AGO2: variants seen among roughly 807,000 people sequenced by gnomAD.
AGO2 encodes the protein protein argonaute-2.
In AGO2, 5 loss-of-function variants were observed where a neutral mutation model predicts 102.3. The ratio of observed to expected loss-of-function variants is 0.05; its 90% confidence interval spans 0.03 to 0.10. The LOEUF is 0.10. Ranked by LOEUF, AGO2 falls within the 10% of genes least tolerant of loss-of-function variation. The pLI is 1.00. For synonymous variants in AGO2, 449 were observed against 473.1 expected (o/e 0.95, Z 0.66); for missense variants, 541 against 1,183.7 (o/e 0.46, Z 7.97).
intron 3 of AGO2, 46 bp from the exon 4 acceptor site, chr8:140,562,680 C>T (rs767972558): frequency 1.3e-6 from 2 of 1,581,500 alleles, no homozygotes; most frequent in South Asian, 1.1e-5. Context: ...CTGCGAAGCC[C>T]CAGGGAGGAC....
At chr8:140,562,828 T>C (rs1341426077) in intron 3 of AGO2, among the ~76,000 whole-genome samples, 194 bp from the exon 4 acceptor site, 1 of 152,212 alleles carries the variant, frequency 6.6e-6, no homozygotes, top group African/African-American at 2.4e-5. Context: ...CTTTATTCAC[T>C]TACTTTTGAT....
intron 1 of AGO2, among the ~76,000 whole-genome samples, chr8:140,615,319 AG>A (rs1296101542): frequency 7.9e-5 from 12 of 152,262 alleles, no homozygotes; most frequent in Admixed American, 7.9e-4. Context: ...TAATGGAGAC[AG>A]CCCCCTGGCC....
At chr8:140,541,581 T>A in intron 14 of AGO2, 1 of 487,800 alleles carries the variant, frequency 2.1e-6, no homozygotes, top group South Asian at 3.2e-5. Flanking sequence ...GTTTGCCAAG[T>A]TACATAGTTT....
At chr8:140,596,373 C>T (rs896352234) in intron 1 of AGO2, among the ~76,000 whole-genome samples, 2 of 152,132 alleles carry the variant, frequency 1.3e-5, no homozygotes, top group African/African-American at 4.8e-5. Flanking sequence ...CATCTGAGGT[C>T]GGGAGTTCGA....
At chr8:140,629,450 A>C (rs11786629) in intron 1 of AGO2, among the ~76,000 whole-genome samples, 118,147 of 152,008 alleles carry the variant, frequency 0.78, 46,593 homozygotes, top group Admixed American at 0.84. Context: ...GTCCCCACTT[A>C]ACAGGCGAGA....
rs2072392988 is a variant in AGO2, at chr8:140,520,213, A to G, written c.*11831T>C. ...CTGACATACTATGAGGCAAAACAAA[A>G]TTGACACCATACAAAATAACTTTAT... On this transcript the variant is annotated 3_prime_UTR_variant, in exon 19 of 19. Transcript: ENST00000220592. 6.6e-6 allele frequency: 1 copy of G among 152,234 alleles called. No individual in the cohort carries two copies. The highest frequency in any genetic ancestry group is 2.4e-5 in the African/African-American group (1 of 41,458). The allele number at this position is 152,234 out of a possible 1,614,324, so 9.4% of individuals were successfully genotyped here. A position where few individuals can be genotyped will look rare whatever the true frequency, so the allele number is the denominator to read the frequency against.
intron 8 of AGO2, 51 bp from the exon 9 acceptor site, chr8:140,556,337 G>A: frequency 1.9e-6 from 3 of 1,603,124 alleles, no homozygotes; most frequent in Non-Finnish European, 2.6e-6. Flanking sequence ...GGAGTGACCA[G>A]GGGAGCAGGC....
At position 140,529,582 on chromosome 8, in the gene AGO2, C is replaced by CA. The variant is rs2072555938; in HGVS notation, c.*2461dup. 1 of 152,000 alleles carries CA rather than the reference C, an allele frequency of 6.6e-6. No individual in the cohort carries two copies. The highest frequency in any genetic ancestry group is 6.6e-5 in the Admixed American group (1 of 15,266). 9.4% of individuals were successfully genotyped at this position (152,000 alleles called of 1,614,324 possible). On this transcript the variant is annotated 3_prime_UTR_variant, in exon 19 of 19. Coordinates refer to ENST00000220592, the MANE Select transcript of AGO2 (RefSeq NM_012154.5). Reference sequence around the variant, plus strand: ...CCCACTAAAAATGAAAGTTTTCCTTCAAAATGATTAAAAAAAACAAAAATT... The same window carrying CA: ...CCCACTAAAAATGAAAGTTTTCCTTCAAAAATGATTAAAAAAAACAAAAATT...
chr8:140,555,735 C>T (rs2132926913), intron 10 of AGO2, 161 bp downstream of exon 10: 3 of 1,050,920 alleles, frequency 2.9e-6, no homozygotes, highest in Non-Finnish European at 3.9e-6. Flanking sequence ...AAAGCCATTC[C>T]TTTATGAAAT....
At chr8:140,551,665 G>GGATGGTTGATGGGTGGGTA in intron 10 of AGO2, among the ~76,000 whole-genome samples, 1 of 151,334 alleles carries the variant, frequency 6.6e-6, no homozygotes, top group Non-Finnish European at 1.5e-5. Context: ...ATGGGTGGGT[G>GGATGGTTGATGGGTGGGTA]GATGGTTGAT....
chr8:140,557,379 G>A lies in AGO2; in HGVS notation c.879-143C>T. ...TCCGGGAGTGAAAACCATGTCATGT[G>A]CTTTGGGTTATCTGGAATGTTTCTG... On this transcript the variant is annotated intron_variant, in intron 7 of 18. Transcript: ENST00000220592. The surrounding 1 kb of genome is among the most constrained non-coding windows in gnomAD (Gnocchi z 5.9). 1.9e-6 allele frequency: 2 copies of A among 1,073,552 alleles called. No homozygotes were observed. Among genetic ancestry groups the A allele is most frequent in the East Asian group, 2.7e-5 (1 of 37,362 alleles). 66.5% of individuals were successfully genotyped at this position (1,073,552 alleles called of 1,614,324 possible).
intron 1 of AGO2, among the ~76,000 whole-genome samples, chr8:140,611,190 G>T (rs952993557): frequency 6.6e-6 from 1 of 152,226 alleles, no homozygotes; most frequent in South Asian, 2.1e-4. Context: ...GCAAGGCGGC[G>T]ATGGCAGGCA....
intron 1 of AGO2, among the ~76,000 whole-genome samples, chr8:140,631,471 A>C (rs1437845317): frequency 6.6e-6 from 1 of 150,564 alleles, no homozygotes; most frequent in Admixed American, 6.7e-5. Context: ...GAGGAGGAGG[A>C]GGTTGCAGTG....
intron 6 of AGO2, among the ~76,000 whole-genome samples, chr8:140,558,925 AG>A (rs1354522372): frequency 6.6e-6 from 1 of 152,178 alleles, no homozygotes; most frequent in Non-Finnish European, 1.5e-5. Flanking sequence ...TTGTGGAGCC[AG>A]GGGTGGGCCC....
chr8:140,572,678 A>T lies in AGO2; in HGVS notation c.336+134T>A, dbSNP rs925052039. 1.7e-5 allele frequency: 22 copies of T among 1,271,422 alleles called. No individual in the cohort carries two copies. In the African/African-American group the frequency reaches 3.3e-4, roughly 19 times the overall value. 78.8% of individuals were successfully genotyped at this position (1,271,422 alleles called of 1,614,324 possible). ...GTTTTTATGGATCTCAGGACGAAGC[A>T]TGTGGCAGTGAACTGCTCTCTCCTC... On this transcript the variant is annotated intron_variant, in intron 3 of 18. Coordinates refer to ENST00000220592, the MANE Select transcript of AGO2 (RefSeq NM_012154.5).
At chr8:140,641,295 AACACACACACACACACAC>A in the AGO2 span, among the ~76,000 whole-genome samples, 13 of 146,870 alleles carry the variant, frequency 8.9e-5, no homozygotes, top group African/African-American at 2.3e-4. Context: ...GCTGTCTCAA[AACACACACACACACACAC>A]ACACACACAC....
At chr8:140,551,176 CCT>C in intron 11 of AGO2, 125 bp downstream of exon 11, 1 of 1,154,258 alleles carries the variant, frequency 8.7e-7, no homozygotes, top group Non-Finnish European at 1.2e-6. Flanking sequence ...GCTGATGAAC[CCT>C]GACATCAAAA....
Position 140,533,345 on chromosome 8 carries a change from T to C in AGO2, c.2272-730A>G, listed in dbSNP as rs1286821540. ...CAGAGCTTGCAGTGAGCCGAGATTG[T>C]GCCACTGCACTCCAGCCTAGGGGAC... On this transcript the variant is annotated intron_variant, in intron 17 of 18. Transcript: ENST00000220592. Among the ~76,000 whole-genome samples the C allele has an allele frequency of 2.9e-5, 4 of 138,024 alleles. No individual in the cohort carries two copies. In the Admixed American group the frequency reaches 3.1e-4, roughly 11 times the overall value. The allele number at this position is 138,024 out of a possible 152,430, so 90.5% of individuals were successfully genotyped here.
At chr8:140,556,607 G>C (rs1050108421) in intron 8 of AGO2, among the ~76,000 whole-genome samples, 1 of 152,174 alleles carries the variant, frequency 6.6e-6, no homozygotes, top group South Asian at 2.1e-4. Context: ...GGCTGCGGGC[G>C]TGAAAGCAGC....
Sources: allele counts gnomAD v4.1 joint callset (sites outside exome capture counted in the v4.1 genomes callset), GRCh38; gene constraint gnomAD v4.1.1; non-coding constraint Gnocchi (gnomAD v3.1); transcripts MANE v1.5; gene names NCBI Gene and HGNC (gene_info 2026-07-23, HGNC 2026-07-21).